Variants in LCE3E observed in about 807,000 individuals in gnomAD.
LCE3E encodes the protein late cornified envelope 3E.
For missense variants in LCE3E, 133 were observed against 120.0 expected, an observed-to-expected ratio of 1.11 and a Z score of -0.51; for synonymous variants, 40 against 47.0, an observed-to-expected ratio of 0.85 and a Z score of 0.61.
In LCE3E at chr1:152,565,912, T is replaced by G; in HGVS notation, c.*18A>C. 1 of 1,610,426 alleles carries G rather than the reference T, an allele frequency of 6.2e-7. No homozygotes were observed. The highest frequency in any genetic ancestry group is 8.5e-7 in the Non-Finnish European group (1 of 1,178,430). ...TTGTTTCCTCCAAAGATCGCTTGTC[T>G]CAGCATCAGGATCTGGATCAGCAGC... is the stretch of plus-strand genomic sequence containing the variant. On this transcript the variant is annotated 3_prime_UTR_variant, in exon 2 of 2. Transcript: ENST00000368789.
rs557470051 is a variant in LCE3E, at chr1:152,566,090, C to A, written c.119G>T (p.Ser40Ile). ...GGAGCTAGGGCCACAGCCCCCAGAGCTTGGGGCACAGCCAGAGGAAGCTGG... is the reference window on the plus strand; with the variant it reads ...GGAGCTAGGGCCACAGCCCCCAGAGATTGGGGCACAGCCAGAGGAAGCTGG... ...LPPASSGCAP[S>I]SGGCGPSSEG... The change falls in exon 2 of 2, where the codon AGC (serine) becomes ATC (isoleucine). Residue 40 changes from serine (S) to isoleucine (I), a missense_variant. Coordinates refer to ENST00000368789, the MANE Select transcript of LCE3E (RefSeq NM_178435.4). 5 of 1,613,838 alleles carry A rather than the reference C, an allele frequency of 3.1e-6. No homozygotes were observed. Among genetic ancestry groups the A allele is most frequent in the East Asian group, 4.5e-5 (2 of 44,872 alleles).
In LCE3E at chr1:152,566,248, C is replaced by T. The variant is rs755845676; in HGVS notation, c.-21-19G>A. The T allele has an allele frequency of 6.8e-6, 11 of 1,606,648 alleles. No homozygotes were observed. The highest frequency in any genetic ancestry group is 8.5e-6 in the Non-Finnish European group (10 of 1,177,274). ...AGATGTCCTGGAGAAAACGAAGCCA[C>T]TTCTTAGTTCAAAATCTACAGTCCA... On this transcript the variant is annotated intron_variant, in intron 1 of 1. Transcript: ENST00000368789.
chr1:152,566,066 G>A lies in LCE3E; in HGVS notation c.143C>T (p.Ser48Phe). 6.2e-7 allele frequency: 1 copy of A among 1,613,794 alleles called. No homozygotes were observed. Among genetic ancestry groups the A allele is most frequent in the Non-Finnish European group, 8.5e-7 (1 of 1,180,028 alleles). ...GTGGTTCAGGAAGCAGCCGCCCTCG[G>A]AGCTAGGGCCACAGCCCCCAGAGCT... Reference protein sequence around the residue: ...APSSGGCGPSSEGGCFLNHHR... With the variant: ...APSSGGCGPSFEGGCFLNHHR... Residue 48 changes from serine to phenylalanine, a missense_variant, in exon 2 of 2, where the codon TCC becomes TTC. Ser to Phe is a radical substitution (Grantham distance 155). Coordinates refer to ENST00000368789, the MANE Select transcript of LCE3E (RefSeq NM_178435.4).
Position 152,565,880 on chromosome 1 carries a change from G to T in LCE3E, c.*50C>A. The stretch of plus-strand genomic sequence containing the variant: ...CAGATGGGGCTGTTCTTGGCCTCTT[G>T]GGATTCTTGTTTCCTCCAAAGATCG... On this transcript the variant is annotated 3_prime_UTR_variant, in exon 2 of 2. Coordinates refer to ENST00000368789, the MANE Select transcript of LCE3E (RefSeq NM_178435.4). 1 of 1,597,818 alleles carries T rather than the reference G, an allele frequency of 6.3e-7. No homozygotes were observed. The highest frequency in any genetic ancestry group is 1.1e-5 in the South Asian group (1 of 88,416).
In LCE3E at chr1:152,566,100, A is replaced by C. The variant is rs1439389943; in HGVS notation, c.109T>G (p.Cys37Gly). Reference sequence around the variant, plus strand: ...CCACAGCCCCCAGAGCTTGGGGCACAGCCAGAGGAAGCTGGAGGCAGACAC... The same window carrying C: ...CCACAGCCCCCAGAGCTTGGGGCACCGCCAGAGGAAGCTGGAGGCAGACAC... ...VQCLPPASSG[C>G]APSSGGCGPS... Residue 37 changes from cysteine to glycine, a missense_variant, in exon 2 of 2, where the codon TGT becomes GGT. Coordinates refer to ENST00000368789, the MANE Select transcript of LCE3E (RefSeq NM_178435.4). 1 of 1,613,886 alleles carries C rather than the reference A, an allele frequency of 6.2e-7. No individual in the cohort carries two copies. Among genetic ancestry groups the C allele is most frequent in the Admixed American group, 1.7e-5 (1 of 59,694 alleles).
In LCE3E at chr1:152,566,194, C is replaced by G. The variant is rs764706119; in HGVS notation, c.15G>C (p.Gln5His). The part of the protein sequence containing the change: MSCQ[Q>H]NQKQCQPPPK... ...GTGGGGGTTGGCACTGCTTCTGGTTCTGCTGGCAGGACATCTTGGCAGGAG... is the reference window on the plus strand; with the variant it reads ...GTGGGGGTTGGCACTGCTTCTGGTTGTGCTGGCAGGACATCTTGGCAGGAG... Residue 5 changes from glutamine to histidine, a missense_variant, in exon 2 of 2, where the codon CAG (glutamine) becomes CAC (histidine). Physicochemically the swap from Gln to His is conservative, Grantham distance 24. Coordinates refer to ENST00000368789, the MANE Select transcript of LCE3E (RefSeq NM_178435.4). The G allele has an allele frequency of 2.7e-5, 43 of 1,613,664 alleles. No homozygotes were observed. Among genetic ancestry groups the G allele is most frequent in the Admixed American group, 6.7e-5 (4 of 59,650 alleles).
At position 152,566,721 on chromosome 1, in the gene LCE3E, C is replaced by G. The variant is rs1188927052; in HGVS notation, c.-22+17G>C. ...CTAACATCCCATATCAAGCCCTGTC[C>G]CCTGCTGAATACTTACCAGGTGCAG... On this transcript the variant is annotated intron_variant, in intron 1 of 1. Coordinates refer to ENST00000368789, the MANE Select transcript of LCE3E (RefSeq NM_178435.4). 6.0e-6 allele frequency: 1 copy of G among 165,352 alleles called. No individual in the cohort carries two copies. 10.2% of individuals were successfully genotyped at this position (165,352 alleles called of 1,614,324 possible).
chr1:152,566,083 C>T lies in LCE3E; in HGVS notation c.126G>A (p.Gly42=). 1 of 1,613,798 alleles carries T rather than the reference C, an allele frequency of 6.2e-7. No homozygotes were observed. Among genetic ancestry groups the T allele is most frequent in the Non-Finnish European group, 8.5e-7 (1 of 1,180,042 alleles). The change falls in exon 2 of 2, where the codon GGG becomes GGA. Residue 42 remains glycine (G), a synonymous_variant. Transcript: ENST00000368789. ...CGCCCTCGGAGCTAGGGCCACAGCC[C>T]CCAGAGCTTGGGGCACAGCCAGAGG... The part of the protein sequence containing the change: ...PASSGCAPSS[G]GCGPSSEGGC...
In LCE3E at chr1:152,565,755, A is replaced by C; in HGVS notation, c.*175T>G. 3 of 914,648 alleles carry C rather than the reference A, an allele frequency of 3.3e-6. No individual in the cohort carries two copies. The highest frequency in any genetic ancestry group is 4.9e-6 in the Non-Finnish European group (3 of 610,996). 56.7% of individuals were successfully genotyped at this position (914,648 alleles called of 1,614,324 possible). The stretch of plus-strand genomic sequence containing the variant: ...GGGGGACATATGACATCCTGTACAT[A>C]AAACAAGAAGTGCCTTCTGGGGAGA... On this transcript the variant is annotated 3_prime_UTR_variant, in exon 2 of 2. Coordinates refer to ENST00000368789, the MANE Select transcript of LCE3E (RefSeq NM_178435.4).
chr1:152,565,924 T>A lies in LCE3E; in HGVS notation c.*6A>T, dbSNP rs1365143598. The A allele has an allele frequency of 1.2e-6, 2 of 1,612,712 alleles. No homozygotes were observed. Among genetic ancestry groups the A allele is most frequent in the East Asian group, 4.5e-5 (2 of 44,854 alleles). ...AAGATCGCTTGTCTCAGCATCAGGA[T>A]CTGGATCAGCAGCAGCCCCCAGAAC... On this transcript the variant is annotated 3_prime_UTR_variant, in exon 2 of 2. Transcript: ENST00000368789.
chr1:152,565,799 A>G lies in LCE3E; in HGVS notation c.*131T>C, dbSNP rs1295999215. 5.8e-6 allele frequency: 8 copies of G among 1,374,616 alleles called. No homozygotes were observed. Among genetic ancestry groups the G allele is most frequent in the Non-Finnish European group, 7.9e-6 (8 of 1,015,306 alleles). The allele number at this position is 1,374,616 out of a possible 1,614,324, so 85.2% of individuals were successfully genotyped here. ...GGGGAGAGCTCAGATCCCCCACAGG[A>G]AAACCTCCAGCTCAGCCTGTGAAAG... On this transcript the variant is annotated 3_prime_UTR_variant, in exon 2 of 2. Coordinates refer to ENST00000368789, the MANE Select transcript of LCE3E (RefSeq NM_178435.4).
Position 152,566,092 on chromosome 1 carries a change from T to C in LCE3E, c.117A>G (p.Pro39=). The change falls in exon 2 of 2, where the codon CCA becomes CCG. Residue 39 remains proline, a synonymous_variant. Transcript: ENST00000368789. ...CLPPASSGCA[P]SSGGCGPSSE... is the part of the protein sequence containing the mutation. ...AGCTAGGGCCACAGCCCCCAGAGCT[T>C]GGGGCACAGCCAGAGGAAGCTGGAG... 1.2e-6 allele frequency: 2 copies of C among 1,613,736 alleles called. No individual in the cohort carries two copies. The highest frequency in any genetic ancestry group is 1.1e-5 in the South Asian group (1 of 91,078).
intron 1 of LCE3E, 46 bp from the exon 2 acceptor site, chr1:152,566,275 C>A (rs1295236569): frequency 6.3e-7 from 1 of 1,578,528 alleles, no homozygotes; most frequent in Non-Finnish European, 8.6e-7. Context: ...TACAGTCCAA[C>A]GTCTCTAAGA....
rs750615391 is a variant in LCE3E, at chr1:152,566,160, G to A, written c.49C>T (p.Pro17Ser). ...QKQCQPPPKCPSPKCPPKNPV... is the reference protein window; with the variant it reads ...QKQCQPPPKCSSPKCPPKNPV... ...TTCTTTGGGGGACACTTGGGTGAGG[G>A]GCACTTGGGTGGGGGTTGGCACTGC... Residue 17 changes from proline (P) to serine (S), a missense_variant, in exon 2 of 2, where the codon CCC becomes TCC. Pro to Ser is a moderately conservative substitution (Grantham distance 74, BLOSUM62 -1). Transcript: ENST00000368789. The A allele has an allele frequency of 3.7e-6, 6 of 1,613,858 alleles. No homozygotes were observed. The highest frequency in any genetic ancestry group is 4.2e-6 in the Non-Finnish European group (5 of 1,180,036).
chr1:152,565,868 T>C lies in LCE3E; in HGVS notation c.*62A>G. 6.3e-7 allele frequency: 1 copy of C among 1,588,514 alleles called. No homozygotes were observed. The highest frequency in any genetic ancestry group is 8.6e-7 in the Non-Finnish European group (1 of 1,167,658). On this transcript the variant is annotated 3_prime_UTR_variant, in exon 2 of 2. Transcript: ENST00000368789. ...GAAGGCATGCGTCAGATGGGGCTGT[T>C]CTTGGCCTCTTGGGATTCTTGTTTC...
In LCE3E at chr1:152,566,099, C is replaced by G; in HGVS notation, c.110G>C (p.Cys37Ser). The change falls in exon 2 of 2, where the codon TGT (cysteine) becomes TCT (serine). Residue 37 changes from cysteine to serine, a missense_variant. By Grantham distance (112) the Cys-to-Ser change is moderately radical. Coordinates refer to ENST00000368789, the MANE Select transcript of LCE3E (RefSeq NM_178435.4). ...GCCACAGCCCCCAGAGCTTGGGGCA[C>G]AGCCAGAGGAAGCTGGAGGCAGACA... ...VQCLPPASSGCAPSSGGCGPS... is the reference protein window; with the variant it reads ...VQCLPPASSGSAPSSGGCGPS... 1 of 1,613,830 alleles carries G rather than the reference C, an allele frequency of 6.2e-7. No homozygotes were observed. The highest frequency in any genetic ancestry group is 2.2e-5 in the East Asian group (1 of 44,876).
Position 152,566,111 on chromosome 1 carries a change from G to A in LCE3E, c.98C>T (p.Ala33Val), listed in dbSNP as rs767886176. 2 of 1,613,922 alleles carry A rather than the reference G, an allele frequency of 1.2e-6. No homozygotes were observed. Among genetic ancestry groups the A allele is most frequent in the Non-Finnish European group, 8.5e-7 (1 of 1,180,048 alleles). Residue 33 changes from alanine (A) to valine (V), a missense_variant, in exon 2 of 2, where the codon GCT (alanine) becomes GTT (valine). Transcript: ENST00000368789. Reference protein sequence around the residue: ...PKNPVQCLPPASSGCAPSSGG... With the variant: ...PKNPVQCLPPVSSGCAPSSGG... ...AGAGCTTGGGGCACAGCCAGAGGAAGCTGGAGGCAGACACTGTACTGGGTT... is the reference window on the plus strand; with the variant it reads ...AGAGCTTGGGGCACAGCCAGAGGAAACTGGAGGCAGACACTGTACTGGGTT...
chr1:152,566,025 G>A lies in LCE3E; in HGVS notation c.184C>T (p.Arg62Ter), dbSNP rs140473829. 6.9e-5 allele frequency: 112 copies of A among 1,613,822 alleles called. No homozygotes were observed. Among genetic ancestry groups the A allele is most frequent in the South Asian group, 1.3e-4 (12 of 91,080 alleles). Residue 62 changes from arginine (R) to a stop codon, truncating the protein, a stop_gained, in exon 2 of 2, where the codon CGA becomes TGA. Coordinates refer to ENST00000368789, the MANE Select transcript of LCE3E (RefSeq NM_178435.4). LOFTEE classifies it low-confidence loss of function (END_TRUNC). Reference protein sequence around the residue: ...CFLNHHRRHHRCRRQRSNSCD... With the variant: ...CFLNHHRRHH The stretch of plus-strand genomic sequence containing the variant: ...GAGTTGGACCTCTGGCGCCGGCATC[G>A]GTGGTGGCGCCTGTGGTGGTTCAGG...
chr1:152,566,154 G>T lies in LCE3E; in HGVS notation c.55C>A (p.Pro19Thr). 3 of 1,613,872 alleles carry T rather than the reference G, an allele frequency of 1.9e-6. No homozygotes were observed. In the South Asian group the frequency reaches 3.3e-5, roughly 18 times the overall value. The change falls in exon 2 of 2, where the codon CCC becomes ACC. Residue 19 changes from proline to threonine, a missense_variant. Transcript: ENST00000368789. Reference sequence around the variant, plus strand: ...ACTGGGTTCTTTGGGGGACACTTGGGTGAGGGGCACTTGGGTGGGGGTTGG... The same window carrying T: ...ACTGGGTTCTTTGGGGGACACTTGGTTGAGGGGCACTTGGGTGGGGGTTGG... ...QCQPPPKCPSPKCPPKNPVQC... is the reference protein window; with the variant it reads ...QCQPPPKCPSTKCPPKNPVQC...
Sources: gnomAD v4.1 joint callset for allele counts on GRCh38, gnomAD v4.1.1 for gene constraint, MANE v1.5 for transcripts, NCBI Gene and HGNC (gene_info 2026-07-23, HGNC 2026-07-21) for gene names.